The following SUPT3H variants were observed in gnomAD, a reference collection of about 807,000 sequenced individuals.
SUPT3H encodes the protein SPT3 homolog, SAGA and STAGA complex component.
Under a neutral mutation model 44.3 loss-of-function variants are expected in SUPT3H, and 44 were observed. That is an observed-to-expected ratio of 0.99 (90% CI 0.78 to 1.28). The LOEUF is 1.28. SUPT3H is among the 50% of genes most tolerant of loss of function. The pLI, the probability that SUPT3H is intolerant of heterozygous loss-of-function variation, is 0.00. For missense variants in SUPT3H, 380 were observed against 387.1 expected (o/e 0.98, Z 0.15); for synonymous variants, 124 against 125.6 (o/e 0.99, Z 0.09).
chr6:45,305,286 C>A (rs1782812800), intron 2 of SUPT3H, among the ~76,000 whole-genome samples: 1 of 152,188 alleles, frequency 6.6e-6, no homozygotes, highest in South Asian at 2.1e-4. Flanking sequence ...TCTTTTCATA[C>A]CAACTCCAAT....
intron 2 of SUPT3H, among the ~76,000 whole-genome samples, chr6:45,339,762 A>C (rs1581706896): frequency 6.6e-6 from 1 of 152,282 alleles, no homozygotes; most frequent in African/African-American, 2.4e-5. Context: ...AAATTTATTA[A>C]AGTTTTAATT....
intron 2 of SUPT3H, among the ~76,000 whole-genome samples, chr6:45,274,679 G>C (rs1776730794): frequency 6.6e-6 from 1 of 152,170 alleles, no homozygotes; most frequent in African/African-American, 2.4e-5. Flanking sequence ...CCAGGAGTTT[G>C]AGACCAGTCT....
chr6:45,007,737 C>A (rs928811483), intron 5 of SUPT3H, among the ~76,000 whole-genome samples: 1 of 142,572 alleles, frequency 7.0e-6, no homozygotes, highest in African/African-American at 2.6e-5. Context: ...TTCCCCCCCA[C>A]TTTTTTTTTT....
chr6:45,090,592 G>C (rs774290428), intron 3 of SUPT3H, among the ~76,000 whole-genome samples: 1 of 151,676 alleles, frequency 6.6e-6, no homozygotes, highest in Non-Finnish European at 1.5e-5. Context: ...TAATACTTTT[G>C]CTTTTAGTGA....
intron 2 of SUPT3H, among the ~76,000 whole-genome samples, chr6:45,255,938 G>A (rs1296683100): frequency 3.3e-5 from 5 of 152,296 alleles, no homozygotes; most frequent in South Asian, 2.1e-4. Flanking sequence ...TTGGGAGGCC[G>A]AGGCGGGAAG....
intron 2 of SUPT3H, among the ~76,000 whole-genome samples, chr6:45,169,541 TA>T (rs926496121): frequency 7.2e-5 from 11 of 151,976 alleles, no homozygotes; most frequent in African/African-American, 2.4e-4. Context: ...TGCTTGAACA[TA>T]AAAAAAATGT....
At chr6:45,213,645 CA>C (rs1396345529) in intron 2 of SUPT3H, among the ~76,000 whole-genome samples, 1 of 151,912 alleles carries the variant, frequency 6.6e-6, no homozygotes. Flanking sequence ...AAACAGTAAG[CA>C]AACTTTTAAG....
At chr6:45,020,794 TAAGATATAA>T (rs1322147864) in intron 3 of SUPT3H, among the ~76,000 whole-genome samples, 162 bp from the exon 4 acceptor site, 1 of 152,002 alleles carries the variant, frequency 6.6e-6, no homozygotes, top group African/African-American at 2.4e-5. Context: ...CTTATGTTTT[TAAGATATAA>T]AACATGCAAT....
intron 9 of SUPT3H, among the ~76,000 whole-genome samples, chr6:44,948,410 A>G (rs1334416876): frequency 6.6e-6 from 1 of 152,220 alleles, no homozygotes; most frequent in African/African-American, 2.4e-5. Context: ...TAAACTAAAG[A>G]GCTTCTGCAC....
chr6:45,010,238 A>G (rs2153510381), intron 5 of SUPT3H, among the ~76,000 whole-genome samples: 1 of 152,146 alleles, frequency 6.6e-6, no homozygotes, highest in South Asian at 2.1e-4. Context: ...TTTTTATTGA[A>G]TTTCTTAGAA....
chr6:45,165,675 C>A (rs960758427), intron 2 of SUPT3H, among the ~76,000 whole-genome samples: 1 of 151,748 alleles, frequency 6.6e-6, no homozygotes, highest in African/African-American at 2.4e-5. Flanking sequence ...CAAATGAAAG[C>A]GCTAAGAATA....
At chr6:45,121,256 C>G (rs1001764690) in intron 2 of SUPT3H, among the ~76,000 whole-genome samples, 2 of 152,106 alleles carry the variant, frequency 1.3e-5, no homozygotes, top group African/African-American at 4.8e-5. Flanking sequence ...AACAAATTTC[C>G]TATCTCAAAG....
chr6:45,098,719 G>T (rs192918559), intron 3 of SUPT3H: 3 of 405,246 alleles, frequency 7.4e-6, no homozygotes, highest in African/African-American at 4.2e-5. Flanking sequence ...TATGTTGGTA[G>T]TCTGGATAAT....
At chr6:44,870,114 T>C (rs1045205276) in intron 10 of SUPT3H, among the ~76,000 whole-genome samples, 1 of 152,202 alleles carries the variant, frequency 6.6e-6, no homozygotes, top group African/African-American at 2.4e-5. Flanking sequence ...ACCTGGTCCT[T>C]TTTAGTGATT....
At chr6:44,959,891 G>A (rs1221636364) in intron 7 of SUPT3H, among the ~76,000 whole-genome samples, 11 of 152,104 alleles carry the variant, frequency 7.2e-5, no homozygotes, top group South Asian at 2.1e-4. Context: ...ACACTCTGAC[G>A]AGTGCAGGAA....
intron 2 of SUPT3H, among the ~76,000 whole-genome samples, chr6:45,262,243 CA>C (rs1328023480): frequency 6.6e-6 from 1 of 151,722 alleles, no homozygotes; most frequent in Non-Finnish European, 1.5e-5. Flanking sequence ...CTTATGGAAC[CA>C]AAAAAGAGCC....
intron 11 of SUPT3H, among the ~76,000 whole-genome samples, chr6:44,818,841 T>C (rs1221332189): frequency 2.0e-5 from 3 of 152,192 alleles, no homozygotes; most frequent in Non-Finnish European, 4.4e-5. Context: ...AGTGAAGATA[T>C]GGAGAAACTA....
At chr6:45,254,859 C>G (rs907497347) in intron 2 of SUPT3H, among the ~76,000 whole-genome samples, 1 of 152,064 alleles carries the variant, frequency 6.6e-6, no homozygotes, top group South Asian at 2.1e-4. Flanking sequence ...CCATTCGGAG[C>G]AGCATAATGA....
intron 3 of SUPT3H, among the ~76,000 whole-genome samples, chr6:45,104,026 A>C (rs1037977719): frequency 3.3e-5 from 5 of 152,164 alleles, no homozygotes; most frequent in African/African-American, 1.2e-4. Flanking sequence ...TTCAGATGAA[A>C]GAAATGTAAG....
Sources: allele counts gnomAD v4.1 joint callset (sites outside exome capture counted in the v4.1 genomes callset), GRCh38; gene constraint gnomAD v4.1.1; transcripts MANE v1.5; gene names NCBI Gene and HGNC (gene_info 2026-07-23, HGNC 2026-07-21).